WDPCP: variants seen among roughly 807,000 people sequenced by gnomAD.
WDPCP encodes WD repeat-containing and planar cell polarity effector protein fritz homolog.
A neutral mutation model predicts 93.1 loss-of-function variants in WDPCP; 71 were observed. The ratio of observed to expected loss-of-function variants is 0.76; its 90% CI spans 0.63 to 0.93. The LOEUF is 0.93. Ranked by LOEUF, WDPCP falls within the 40% of genes least tolerant of loss-of-function variation. The probability of loss-of-function intolerance (pLI) is 0.00; values close to 1 mark genes in which losing one functional copy is unlikely to be tolerated. For synonymous variants in WDPCP, 315 were observed against 315.0 expected (o/e 1.00, Z 0.00); for missense variants, 844 against 887.4 (o/e 0.95, Z 0.62).
chr2:63,450,350 G>A (rs978462720), intron 6 of WDPCP, among the ~76,000 whole-genome samples: 3 of 152,120 alleles, frequency 2.0e-5, no homozygotes, highest in African/African-American at 7.2e-5. Flanking sequence ...GGCTGTGGGT[G>A]GCAACCCCGC....
chr2:63,424,477 C>A (rs1696110813), intron 9 of WDPCP, among the ~76,000 whole-genome samples: 1 of 152,148 alleles, frequency 6.6e-6, no homozygotes, highest in Non-Finnish European at 1.5e-5. Flanking sequence ...GCCACTCCTG[C>A]AAGAGTGTGT....
the WDPCP span, among the ~76,000 whole-genome samples, chr2:63,835,371 C>G: frequency 3.4e-5 from 4 of 118,524 alleles, no homozygotes; most frequent in African/African-American, 1.3e-4. Context: ...GCCTGGGTGA[C>G]AGAGCGAGAC....
intron 12 of WDPCP, among the ~76,000 whole-genome samples, chr2:63,372,853 G>A (rs1375489702): frequency 2.0e-5 from 3 of 152,120 alleles, no homozygotes; most frequent in African/African-American, 7.2e-5. Flanking sequence ...GCTGGGCACG[G>A]TAGCTCACTT....
intron 2 of WDPCP, among the ~76,000 whole-genome samples, chr2:63,687,934 C>A (rs1273031514): frequency 6.6e-6 from 1 of 152,158 alleles, no homozygotes; most frequent in African/African-American, 2.4e-5. Flanking sequence ...TTGGAAGCAT[C>A]CCAAGTGTCC....
At chr2:63,624,807 G>A (rs1709789770) in intron 3 of WDPCP, among the ~76,000 whole-genome samples, 1 of 152,122 alleles carries the variant, frequency 6.6e-6, no homozygotes, top group Non-Finnish European at 1.5e-5. Flanking sequence ...AGAAAAAGAG[G>A]GACGCTTCCC....
At chr2:63,570,582 G>A (rs1707410468) in intron 1 of WDPCP, among the ~76,000 whole-genome samples, 2 of 152,066 alleles carry the variant, frequency 1.3e-5, no homozygotes, top group African/African-American at 2.4e-5. Flanking sequence ...TTAACCACAG[G>A]GATACATCTA....
chr2:63,313,886 A>ATATATGTGTGTGTATAT, intron 12 of WDPCP, among the ~76,000 whole-genome samples: 1 of 74,502 alleles, frequency 1.3e-5, no homozygotes, highest in African/African-American at 5.2e-5. Flanking sequence ...ATATATATAT[A>ATATATGTGTGTGTATAT]TTTTTTTTTT....
chr2:63,522,401 G>A (rs1252925083), intron 1 of WDPCP, among the ~76,000 whole-genome samples: 3 of 146,236 alleles, frequency 2.1e-5, no homozygotes, highest in African/African-American at 7.6e-5. Flanking sequence ...CGGAAGACAA[G>A]AAATAACCAA....
intron 2 of WDPCP, among the ~76,000 whole-genome samples, chr2:63,695,812 C>T (rs1386347237): frequency 2.0e-5 from 3 of 152,142 alleles, no homozygotes; most frequent in East Asian, 1.9e-4. Context: ...CAGAGCTTGA[C>T]CTTTCCACTA....
At chr2:63,400,432 G>A (rs1346178432) in intron 10 of WDPCP, among the ~76,000 whole-genome samples, 3 of 152,084 alleles carry the variant, frequency 2.0e-5, no homozygotes, top group African/African-American at 7.2e-5. Context: ...TATGAATAGA[G>A]TAAACAGACA....
intron 2 of WDPCP, among the ~76,000 whole-genome samples, chr2:63,795,894 T>C (rs990483935): frequency 1.3e-5 from 2 of 152,216 alleles, no homozygotes; most frequent in African/African-American, 2.4e-5. Context: ...CTTACTTTTG[T>C]TCAGGTACCC....
At chr2:63,807,487 C>G (rs1187673519) in intron 2 of WDPCP, among the ~76,000 whole-genome samples, 1 of 152,194 alleles carries the variant, frequency 6.6e-6, no homozygotes, top group Non-Finnish European at 1.5e-5. Context: ...ATACTGGCAC[C>G]ACGCTTCTTA....
At chr2:63,689,856 C>A (rs1204027261) in intron 2 of WDPCP, among the ~76,000 whole-genome samples, 2 of 152,162 alleles carry the variant, frequency 1.3e-5, no homozygotes, top group East Asian at 3.8e-4. Flanking sequence ...ATCTTCCTTG[C>A]CAAGGGGTCA....
intron 6 of WDPCP, among the ~76,000 whole-genome samples, chr2:63,456,644 G>A (rs1383894111): frequency 6.6e-6 from 1 of 152,038 alleles, no homozygotes; most frequent in African/African-American, 2.4e-5. Context: ...AATTAGCAGA[G>A]AGAAGAAAAT....
At chr2:63,515,424 T>C (rs979303846) in intron 1 of WDPCP, among the ~76,000 whole-genome samples, 44 of 152,186 alleles carry the variant, frequency 2.9e-4, no homozygotes, top group Non-Finnish European at 5.0e-4. Flanking sequence ...GTACTTTCTA[T>C]TAAAGATGCT....
intron 17 of WDPCP, among the ~76,000 whole-genome samples, chr2:63,141,353 A>G (rs1448213593): frequency 6.6e-6 from 1 of 152,224 alleles, no homozygotes; most frequent in Admixed American, 6.5e-5. Context: ...CTGGGATTAC[A>G]GGCATGAGCC....
chr2:63,749,453 G>C (rs920094560), intron 2 of WDPCP, among the ~76,000 whole-genome samples: 6 of 152,070 alleles, frequency 3.9e-5, no homozygotes, highest in Non-Finnish European at 8.8e-5. Flanking sequence ...AAGGTGATGT[G>C]CATTCAGTAG....
intron 1 of WDPCP, among the ~76,000 whole-genome samples, chr2:63,541,464 GA>G (rs1438041780): frequency 6.6e-6 from 1 of 152,004 alleles, no homozygotes; most frequent in Non-Finnish European, 1.5e-5. Flanking sequence ...GCATATTTCA[GA>G]TTACTCTCAT....
chr2:63,832,320 G>A (rs933305279), upstream of WDPCP, among the ~76,000 whole-genome samples: 1 of 152,146 alleles, frequency 6.6e-6, no homozygotes, highest in Non-Finnish European at 1.5e-5. Flanking sequence ...AGTATTCCAA[G>A]GCATGAGGTT....
Sources: gnomAD v4.1 joint callset for allele counts (sites outside exome capture counted in the v4.1 genomes callset) on GRCh38, gnomAD v4.1.1 for gene constraint, MANE v1.5 for transcripts, NCBI Gene and HGNC (gene_info 2026-07-23, HGNC 2026-07-21) for gene names.